Variants in SRP9 observed in about 807,000 individuals in gnomAD.
SRP9 encodes the protein signal recognition particle 9 kDa protein.
In SRP9, 2 loss-of-function variants were observed where a neutral mutation model predicts 11.7. The ratio of observed to expected loss-of-function variants is 0.17; its 90% CI spans 0.07 to 0.54. SRP9 has a LOEUF of 0.54. SRP9 is among the 20% of genes least tolerant of loss of function. SRP9 has a pLI of 0.94. For missense variants in SRP9, 54 were observed against 108.1 expected (o/e 0.50, Z 2.22); for synonymous variants, 27 against 35.6 (o/e 0.76, Z 0.86).
intron 1 of SRP9, among the ~76,000 whole-genome samples, chr1:225,781,381 T>C (rs1226545596): frequency 6.7e-6 from 1 of 148,440 alleles, no homozygotes; most frequent in Non-Finnish European, 1.5e-5. Context: ...ATTGGCCTTT[T>C]TTCTTTTCTT....
chr1:225,785,554 G>A (rs910169465), intron 2 of SRP9, among the ~76,000 whole-genome samples: 2 of 150,028 alleles, frequency 1.3e-5, no homozygotes, highest in African/African-American at 2.5e-5. Flanking sequence ...CTAATTTTGT[G>A]TATTTTTAGT....
At chr1:225,778,467 AC>A (rs1162854527) in intron 1 of SRP9, among the ~76,000 whole-genome samples, 2 of 152,064 alleles carry the variant, frequency 1.3e-5, no homozygotes, top group African/African-American at 4.8e-5. Context: ...AAGCATCTGT[AC>A]CCCCCAGAAT....
chr1:225,785,821 T>A (rs1665898219), intron 2 of SRP9, among the ~76,000 whole-genome samples: 1 of 152,102 alleles, frequency 6.6e-6, no homozygotes, highest in South Asian at 2.1e-4. Flanking sequence ...TAGGTGGGAT[T>A]ACAGGTGGGC....
At chr1:225,783,226 C>A in intron 1 of SRP9, 74 bp from the exon 2 acceptor site, 1 of 1,182,462 alleles carries the variant, frequency 8.5e-7, no homozygotes, top group Non-Finnish European at 1.2e-6. Context: ...CCTTTTCAGC[C>A]TACCTGAAGA....
In SRP9 at chr1:225,778,049, C is replaced by G. The variant is rs777752986; in HGVS notation, c.72+37C>G. ...GCGGGGCCGCTGCTTTGGGCCCCAG[C>G]CCAGGATGTCTTCCCGCCATCCACT... On this transcript the variant is annotated intron_variant, in intron 1 of 2. Transcript: ENST00000304786. 1.6e-5 allele frequency: 25 copies of G among 1,610,714 alleles called. 1 individual carries two copies. In the African/African-American group the frequency reaches 1.7e-4, roughly 11 times the overall value.
chr1:225,788,822 G>A (rs1458373155), intron 2 of SRP9, among the ~76,000 whole-genome samples: 3 of 152,130 alleles, frequency 2.0e-5, no homozygotes. Context: ...AGTAGAAAAA[G>A]AGATCTTAAG....
At chr1:225,778,782 G>C (rs1236003063) in intron 1 of SRP9, among the ~76,000 whole-genome samples, 1 of 152,232 alleles carries the variant, frequency 6.6e-6, no homozygotes, top group East Asian at 1.9e-4. Flanking sequence ...ATTATTTGAA[G>C]CATCTTCGTG....
At chr1:225,787,237 T>C (rs576062616) in intron 2 of SRP9, among the ~76,000 whole-genome samples, 1 of 152,222 alleles carries the variant, frequency 6.6e-6, no homozygotes, top group African/African-American at 2.4e-5. Context: ...TGTCCTGTCT[T>C]AAAAATAGGG....
At position 225,785,372 on chromosome 1, in the gene SRP9, T is replaced by C. The variant is rs1386306025; in HGVS notation, c.141+2004T>C. Among the ~76,000 whole-genome samples the C allele has an allele frequency of 2.7e-5, 4 of 150,520 alleles. No individual in the cohort carries two copies. In the East Asian group the frequency reaches 7.9e-4, roughly 30 times the overall value. ...GATTACAGGGGTGAGCCACTGCGCC[T>C]GGCCTTTTCTTTTTATTTGTTTGTT... On this transcript the variant is annotated intron_variant, in intron 2 of 2. Coordinates refer to ENST00000304786, the MANE Select transcript of SRP9 (RefSeq NM_003133.6).
Position 225,784,727 on chromosome 1 carries a change from A to G in SRP9, c.141+1359A>G, listed in dbSNP as rs190849431. Among the ~76,000 whole-genome samples, 719 of 151,728 alleles carry G rather than the reference A, an allele frequency of 4.7e-3. 8 individuals are homozygous for G. Among genetic ancestry groups the G allele is most frequent in the African/African-American group, 0.017 (692 of 41,446 alleles). On this transcript the variant is annotated intron_variant, in intron 2 of 2. Coordinates refer to ENST00000304786, the MANE Select transcript of SRP9 (RefSeq NM_003133.6). The stretch of plus-strand genomic sequence containing the variant: ...CATGGTGGCGGGCACCTGTAGTCCC[A>G]GCTACTCAGGAGGCTGAGGCAGGAG...
intron 1 of SRP9, among the ~76,000 whole-genome samples, chr1:225,782,634 T>C (rs749503495): frequency 6.6e-6 from 1 of 152,242 alleles, no homozygotes; most frequent in Admixed American, 6.5e-5. Context: ...GCCTTGGCAA[T>C]CTGTAGAATA....
rs191160044 is a variant in SRP9, at chr1:225,778,988, A to G, written c.72+976A>G. Among the ~76,000 whole-genome samples the G allele has an allele frequency of 1.9e-4, 29 of 152,364 alleles. No individual in the cohort carries two copies. The East Asian group carries it at 5.0e-3, about 26-fold the overall frequency. ...AAATTAGGTTCTGTGGGAGACACAA[A>G]GGTGAATGAGATTCCGTTCAACCCT... On this transcript the variant is annotated intron_variant, in intron 1 of 2. Transcript: ENST00000304786.
chr1:225,778,251 C>T (rs542830662), intron 1 of SRP9, among the ~76,000 whole-genome samples: 4 of 152,364 alleles, frequency 2.6e-5, no homozygotes, highest in East Asian at 3.9e-4. Flanking sequence ...TGCAATCGAT[C>T]TTCCCGCCCC....
chr1:225,782,463 C>T (rs1033122233), intron 1 of SRP9, among the ~76,000 whole-genome samples: 1 of 152,066 alleles, frequency 6.6e-6, no homozygotes, highest in African/African-American at 2.4e-5. Flanking sequence ...CGCGCCTGGC[C>T]GATACTTAGC....
In SRP9 at chr1:225,787,421, G is replaced by A. The variant is rs547790988; in HGVS notation, c.142-1819G>A. On this transcript the variant is annotated intron_variant, in intron 2 of 2. Transcript: ENST00000304786. ...TGGGTGCCTGTAATCTCAGCTACTT[G>A]GGAGGCTGAGGCAGGAGAATCGCTT... 3.3e-5 allele frequency among the ~76,000 whole-genome samples: 5 copies of A among 152,098 alleles called. No individual in the cohort carries two copies. In the South Asian group the frequency reaches 1.0e-3, roughly 32 times the overall value.
chr1:225,779,995 G>T (rs777096204), intron 1 of SRP9, among the ~76,000 whole-genome samples: 105 of 152,174 alleles, frequency 6.9e-4, no homozygotes, highest in Non-Finnish European at 1.4e-3. Flanking sequence ...AGCAAAGCAT[G>T]TCTAGAATAG....
intron 2 of SRP9, among the ~76,000 whole-genome samples, chr1:225,787,820 A>C (rs973586563): frequency 6.6e-6 from 1 of 152,226 alleles, no homozygotes; most frequent in East Asian, 1.9e-4. Context: ...GAAGATTAAT[A>C]TGGCCTTTTT....
In SRP9 at chr1:225,777,833, T is replaced by G. The variant is rs1278357158; in HGVS notation, c.-108T>G. 1.6e-5 allele frequency: 18 copies of G among 1,104,584 alleles called. No homozygotes were observed. The East Asian group carries it at 4.5e-4, about 28-fold the overall frequency. 68.4% of individuals were successfully genotyped at this position (1,104,584 alleles called of 1,614,324 possible). A position where few individuals can be genotyped will look rare whatever the true frequency, so the allele number is the denominator to read the frequency against. Reference sequence around the variant, plus strand: ...GCGTTGGTGCGAGGAGGCGCCGCCATCTTGGGGCTGCTGGGACTCGCGTCG... The same window carrying G: ...GCGTTGGTGCGAGGAGGCGCCGCCAGCTTGGGGCTGCTGGGACTCGCGTCG... On this transcript the variant is annotated 5_prime_UTR_variant, in exon 1 of 3. Transcript: ENST00000304786.
In SRP9 at chr1:225,777,894, C is replaced by G; in HGVS notation, c.-47C>G. The stretch of plus-strand genomic sequence containing the variant: ...CCCGGACGTAGGTAGTTTGTTGGGC[C>G]GGGTTCTGAGGCCTTGCTTCTCTTT... On this transcript the variant is annotated 5_prime_UTR_variant, in exon 1 of 3. Coordinates refer to ENST00000304786, the MANE Select transcript of SRP9 (RefSeq NM_003133.6). The G allele has an allele frequency of 6.4e-7, 1 of 1,559,972 alleles. No homozygotes were observed. Among genetic ancestry groups the G allele is most frequent in the Non-Finnish European group, 8.8e-7 (1 of 1,136,004 alleles).
Sources: gnomAD v4.1 joint callset for allele counts (sites outside exome capture counted in the v4.1 genomes callset) on GRCh38, gnomAD v4.1.1 for gene constraint, MANE v1.5 for transcripts, NCBI Gene and HGNC (gene_info 2026-07-23, HGNC 2026-07-21) for gene names.